NEO1: variants seen among roughly 807,000 people sequenced by gnomAD.
NEO1 encodes neogenin 1.
In NEO1, 63 loss-of-function variants were observed where a neutral mutation model predicts 159.7. The observed-to-expected ratio is 0.39, with a 90% CI of 0.32 to 0.49. NEO1 has a LOEUF of 0.49. NEO1 is among the 20% of genes least tolerant of loss of function. NEO1 has a pLI of 0.85. For missense variants in NEO1, 1,615 were observed against 1,831.0 expected, an observed-to-expected ratio of 0.88 and a Z score of 2.15; for synonymous variants, 633 against 662.0, an observed-to-expected ratio of 0.96 and a Z score of 0.67.
intron 7 of NEO1, among the ~76,000 whole-genome samples, chr15:73,213,407 T>C (rs2037693625): frequency 6.6e-6 from 1 of 152,202 alleles, no homozygotes; most frequent in African/African-American, 2.4e-5. Flanking sequence ...TTGTAGTCTT[T>C]TGTCCCTCGC....
chr15:73,202,104 C>T (rs1024325888), intron 7 of NEO1, among the ~76,000 whole-genome samples: 1 of 151,910 alleles, frequency 6.6e-6, no homozygotes, highest in Admixed American at 6.6e-5. Context: ...GCTGGGATTA[C>T]AGGCATGCGC....
chr15:73,132,231 T>G (rs1238803261), intron 4 of NEO1, among the ~76,000 whole-genome samples: 1 of 152,256 alleles, frequency 6.6e-6, no homozygotes, highest in East Asian at 1.9e-4. Flanking sequence ...TCCAACTTTT[T>G]AAGAGTAGTC....
At chr15:73,156,807 A>C (rs2033813255) in intron 5 of NEO1, among the ~76,000 whole-genome samples, 1 of 152,142 alleles carries the variant, frequency 6.6e-6, no homozygotes, top group African/African-American at 2.4e-5. Context: ...GTAGGGGCCA[A>C]GCTGAGTGGA....
intron 2 of NEO1, among the ~76,000 whole-genome samples, chr15:73,118,573 C>T (rs1753761213): frequency 6.6e-6 from 1 of 152,014 alleles, no homozygotes; most frequent in Admixed American, 6.6e-5. Context: ...ATTTTATCCT[C>T]CACCTTTTCC....
rs527895885 is a variant in NEO1, at chr15:73,172,874, T to G, written c.1016-3529T>G. Among the ~76,000 whole-genome samples the G allele has an allele frequency of 8.0e-4, 122 of 152,316 alleles. 1 individual carries two copies. The South Asian group carries it at 0.012, about 14-fold the overall frequency. On this transcript the variant is annotated intron_variant, in intron 5 of 28. Transcript: ENST00000261908. Reference sequence around the variant, plus strand: ...AAGGGTCAAAGCAGAGGGGACTTTCTTATGTTGGCTAAAACTGTCCCATTT... The same window carrying G: ...AAGGGTCAAAGCAGAGGGGACTTTCGTATGTTGGCTAAAACTGTCCCATTT...
intron 7 of NEO1, among the ~76,000 whole-genome samples, chr15:73,210,898 A>AT (rs1159964047): frequency 1.3e-5 from 2 of 152,222 alleles, no homozygotes; most frequent in Admixed American, 6.5e-5. Flanking sequence ...CAAAATTAAC[A>AT]TTTTTGTTTG....
rs78263526 is a variant in NEO1 at position 73,061,007 on chromosome 15, C to T, written c.130+8202C>T. Among the ~76,000 whole-genome samples the T allele has an allele frequency of 8.7e-3, 1,319 of 152,256 alleles. 19 individuals carry two copies. The highest frequency in any genetic ancestry group is 0.03 in the African/African-American group (1,239 of 41,508). ...ACTCAACCATTATGCAACCTACCTC[C>T]GGAATATAACTGAAGACTAGGGAAT... On this transcript the variant is annotated intron_variant, in intron 1 of 28. Transcript: ENST00000261908.
intron 1 of NEO1, among the ~76,000 whole-genome samples, chr15:73,108,747 G>A (rs1182319183): frequency 3.3e-5 from 5 of 152,208 alleles, no homozygotes. Flanking sequence ...GTTAGAAAAG[G>A]CCTCTGTAGA....
At position 73,236,480 on chromosome 15, in the gene NEO1, G is replaced by T; in HGVS notation, c.1425G>T (p.Val475=). 1 of 1,614,140 alleles carries T rather than the reference G, an allele frequency of 6.2e-7. No individual in the cohort carries two copies. The highest frequency in any genetic ancestry group is 8.5e-7 in the Non-Finnish European group (1 of 1,180,008). The change falls in exon 8 of 29, where the codon GTG becomes GTT. Residue 475 remains valine, a synonymous_variant. Coordinates refer to ENST00000261908, the MANE Select transcript of NEO1 (RefSeq NM_002499.4). ...DPHGDNLTYS[V]FYTKEGIARE... ...ACGGAGACAACCTTACCTACTCTGT[G>T]TTCTACACCAAGGAAGGGATTGCTA...
chr15:73,150,472 C>T (rs2151832282), intron 5 of NEO1, among the ~76,000 whole-genome samples: 1 of 152,288 alleles, frequency 6.6e-6, no homozygotes, highest in South Asian at 2.1e-4. Context: ...CCACCACCTT[C>T]AGTCTTCAGT....
chr15:73,124,753 A>G (rs1374627272), intron 3 of NEO1, among the ~76,000 whole-genome samples: 1 of 152,090 alleles, frequency 6.6e-6, no homozygotes. Flanking sequence ...ACTTCAGAAC[A>G]TATTACCATC....
At chr15:73,206,152 C>T (rs145441420) in intron 7 of NEO1, among the ~76,000 whole-genome samples, 2,072 of 152,192 alleles carry the variant, frequency 0.014, 18 homozygotes, top group South Asian at 0.017. Flanking sequence ...AGCAATCTGC[C>T]CACCCCAGCC....
chr15:73,295,281 C>T (rs1050799780), intron 26 of NEO1, among the ~76,000 whole-genome samples: 2 of 151,756 alleles, frequency 1.3e-5, no homozygotes, highest in Non-Finnish European at 2.9e-5. Flanking sequence ...GACATAGTCT[C>T]AAATAGAACA....
At chr15:73,193,944 T>C (rs1439620997) in intron 7 of NEO1, among the ~76,000 whole-genome samples, 3 of 151,934 alleles carry the variant, frequency 2.0e-5, no homozygotes, top group Non-Finnish European at 4.4e-5. Context: ...TACATGAAGA[T>C]GGGAAGAGGT....
intron 7 of NEO1, among the ~76,000 whole-genome samples, chr15:73,216,056 A>G (rs1302668223): frequency 1.3e-5 from 2 of 151,620 alleles, no homozygotes; most frequent in Non-Finnish European, 2.9e-5. Flanking sequence ...AGCATTAGGT[A>G]TATCTCCCAG....
chr15:73,052,527 G>A lies in NEO1; in HGVS notation c.-149G>A. 1 of 294,954 alleles carries A rather than the reference G, an allele frequency of 3.4e-6. No homozygotes were observed. The highest frequency in any genetic ancestry group is 5.7e-6 in the Non-Finnish European group (1 of 174,516). 18.3% of individuals were successfully genotyped at this position (294,954 alleles called of 1,614,324 possible). On this transcript the variant is annotated 5_prime_UTR_variant, in exon 1 of 29. Transcript: ENST00000261908. Reference sequence around the variant, plus strand: ...TCTCCCCTCCAGCGAGAGGGGCTGCGCGGGCCGGGCCGGGCCGGGCTGGGC... The same window carrying A: ...TCTCCCCTCCAGCGAGAGGGGCTGCACGGGCCGGGCCGGGCCGGGCTGGGC...
intron 1 of NEO1, among the ~76,000 whole-genome samples, chr15:73,073,961 A>G (rs914548682): frequency 2.0e-5 from 3 of 152,234 alleles, no homozygotes; most frequent in Admixed American, 1.3e-4. Flanking sequence ...TGAAAAATGC[A>G]TAAACAGTAG....
chr15:73,218,850 T>C (rs1390164050), intron 7 of NEO1, among the ~76,000 whole-genome samples: 4 of 151,776 alleles, frequency 2.6e-5, no homozygotes, highest in Non-Finnish European at 4.4e-5. Context: ...TCTATCAATT[T>C]TGTTGATCCT....
chr15:73,156,951 C>T (rs1175342665), intron 5 of NEO1, among the ~76,000 whole-genome samples: 1 of 152,146 alleles, frequency 6.6e-6, no homozygotes, highest in Non-Finnish European at 1.5e-5. Flanking sequence ...ATGCCGAAGT[C>T]TTAACATGGG....
Sources: gnomAD v4.1 joint callset for allele counts (sites outside exome capture counted in the v4.1 genomes callset) on GRCh38, gnomAD v4.1.1 for gene constraint, MANE v1.5 for transcripts, NCBI Gene and HGNC (gene_info 2026-07-23, HGNC 2026-07-21) for gene names.